Variants in MAT1A observed in about 807,000 individuals in gnomAD.
MAT1A encodes the protein S-adenosylmethionine synthase isoform type-1.
Under a neutral mutation model 44.0 loss-of-function variants are expected in MAT1A, and 19 were observed. That is an observed-to-expected ratio of 0.43 (90% confidence interval 0.30 to 0.63). MAT1A has a LOEUF of 0.63. MAT1A is among the 30% of genes least tolerant of loss of function. The probability of loss-of-function intolerance (pLI) is 0.12; values close to 1 mark genes in which losing one functional copy is unlikely to be tolerated. For synonymous variants in MAT1A, 205 were observed against 205.6 expected (o/e 1.00, Z 0.03); for missense variants, 397 against 531.0 (o/e 0.75, Z 2.48).
Position 80,289,495 on chromosome 10 carries a change from T to TTTCTTCTTCTTC in MAT1A, c.-84_-73dup, listed in dbSNP as rs10694757. The TTTCTTCTTCTTC allele has an allele frequency of 3.2e-5, 28 of 864,082 alleles. No individual in the cohort carries two copies. Among genetic ancestry groups the TTTCTTCTTCTTC allele is most frequent in the African/African-American group, 1.7e-4 (10 of 58,542 alleles). The allele number at this position is 864,082 out of a possible 1,614,324, so 53.5% of individuals were successfully genotyped here. ...GGCTGTGACTTTGCCTGAGTTTTTT[T>TTTCTTCTTCTTC]TTCTTCTTCTTCTTCTTCTTTCAAC... On this transcript the variant is annotated 5_prime_UTR_variant, in exon 1 of 9. Transcript: ENST00000372213.
rs955691868 is a variant in MAT1A, at chr10:80,273,362, G to A, written c.*419C>T. ...CTCAGGGCACTGGCTGCCTGTGAAA[G>A]GGGGGTCCAGGAGCCCAGGCCCACA... On this transcript the variant is annotated 3_prime_UTR_variant, in exon 9 of 9. Coordinates refer to ENST00000372213, the MANE Select transcript of MAT1A (RefSeq NM_000429.3). 7.5e-6 allele frequency: 2 copies of A among 265,572 alleles called. No homozygotes were observed. The highest frequency in any genetic ancestry group is 4.4e-5 in the African/African-American group (2 of 44,966). 16.5% of individuals were successfully genotyped at this position (265,572 alleles called of 1,614,324 possible).
intron 3 of MAT1A, among the ~76,000 whole-genome samples, chr10:80,282,003 T>G (rs1841573538): frequency 6.6e-6 from 1 of 152,108 alleles, no homozygotes; most frequent in Non-Finnish European, 1.5e-5. Flanking sequence ...CCAGGGCACC[T>G]CATGTTGCAT....
At chr10:80,280,570 C>A (rs960106841) in intron 4 of MAT1A, 110 bp downstream of exon 4, 2 of 1,112,644 alleles carry the variant, frequency 1.8e-6, no homozygotes, top group African/African-American at 3.1e-5. Flanking sequence ...CCAACTCGCT[C>A]CTGGCTATCG....
intron 6 of MAT1A, among the ~76,000 whole-genome samples, chr10:80,275,877 G>A (rs1472847216): frequency 6.6e-6 from 1 of 152,190 alleles, no homozygotes; most frequent in East Asian, 1.9e-4. Context: ...TCACAGCAGT[G>A]CCCTCAACCT....
intron 5 of MAT1A, among the ~76,000 whole-genome samples, chr10:80,279,066 A>G (rs1441532219): frequency 1.3e-5 from 2 of 152,254 alleles, no homozygotes; most frequent in African/African-American, 4.8e-5. Context: ...GAATGCCAGA[A>G]TAATAAGTGG....
chr10:80,276,562 T>C lies in MAT1A; in HGVS notation c.582A>G (p.Ala194=). 1.2e-6 allele frequency: 2 copies of C among 1,613,242 alleles called. No homozygotes were observed. The highest frequency in any genetic ancestry group is 1.1e-5 in the South Asian group (1 of 91,080). The change falls in exon 6 of 9, where the codon GCA becomes GCG. Residue 194 remains alanine, a synonymous_variant. Transcript: ENST00000372213. The part of the protein sequence containing the change: ...VTVQYMQDNG[A]VIPVRIHTIV... Reference sequence around the variant, plus strand: ...TGGTGTGGATGCGCACAGGGATGACTGCGCCATTGTCCTGCATGTACTGAA... The same window carrying C: ...TGGTGTGGATGCGCACAGGGATGACCGCGCCATTGTCCTGCATGTACTGAA...
At position 80,273,561 on chromosome 10, in the gene MAT1A, A is replaced by G; in HGVS notation, c.*220T>C. 1.7e-6 allele frequency: 1 copy of G among 573,462 alleles called. No homozygotes were observed. The highest frequency in any genetic ancestry group is 3.1e-6 in the Non-Finnish European group (1 of 319,394). 35.5% of individuals were successfully genotyped at this position (573,462 alleles called of 1,614,324 possible). ...CCCCAGTCTGAGGGAGCAGCAGGAGAACACCATGCCCATCCTTACATCAAG... is the reference window on the plus strand; with the variant it reads ...CCCCAGTCTGAGGGAGCAGCAGGAGGACACCATGCCCATCCTTACATCAAG... On this transcript the variant is annotated 3_prime_UTR_variant, in exon 9 of 9. Transcript: ENST00000372213.
At chr10:80,282,155 AC>A (rs1391066360) in intron 3 of MAT1A, among the ~76,000 whole-genome samples, 1 of 152,228 alleles carries the variant, frequency 6.6e-6, no homozygotes, top group Non-Finnish European at 1.5e-5. Context: ...ATTTCAGTTT[AC>A]CTAATCACTG....
chr10:80,281,524 C>T (rs1231392441), intron 3 of MAT1A, among the ~76,000 whole-genome samples: 1 of 152,118 alleles, frequency 6.6e-6, no homozygotes, highest in East Asian at 1.9e-4. Context: ...AGACCGTGCG[C>T]ACCTCCTCAC....
chr10:80,287,804 A>G (rs1425837057), intron 1 of MAT1A, among the ~76,000 whole-genome samples: 2 of 152,258 alleles, frequency 1.3e-5, no homozygotes, highest in South Asian at 2.1e-4. Context: ...GGCTATTTAC[A>G]TTGAACTGAG....
intron 1 of MAT1A, among the ~76,000 whole-genome samples, chr10:80,286,043 G>A (rs2132710020): frequency 6.6e-6 from 1 of 152,154 alleles, no homozygotes; most frequent in African/African-American, 2.4e-5. Context: ...TGGCCAGGCT[G>A]GTCTTGAACT....
chr10:80,276,503 G>C lies in MAT1A; in HGVS notation c.641C>G (p.Thr214Arg), dbSNP rs754347805. The C allele has an allele frequency of 6.2e-7, 1 of 1,614,158 alleles. No individual in the cohort carries two copies. Among genetic ancestry groups the C allele is most frequent in the South Asian group, 1.1e-5 (1 of 91,086 alleles). ...VISVQHNEDI[T>R]LEEMRRALKE... ...CAGGGCCCTGCGCATCTCCTCCAGC[G>C]TGATGTCTTCGTTGTGCTGCACAGA... The change falls in exon 6 of 9, where the codon ACG becomes AGG. Residue 214 changes from threonine (T) to arginine (R), a missense_variant. By Grantham distance (71) the Thr-to-Arg change is moderately conservative (BLOSUM62 -1). Coordinates refer to ENST00000372213, the MANE Select transcript of MAT1A (RefSeq NM_000429.3).
In MAT1A at chr10:80,289,416, C is replaced by T. The variant is rs1288426746; in HGVS notation, c.8G>A (p.Gly3Glu). MN[G>E]PVDGLCDHSL... ...GTGGTCACACAAGCCATCCACCGGT[C>T]CATTCATCTTCTCACACTTCTCCAC... Residue 3 changes from glycine (G) to glutamate (E), a missense_variant, in exon 1 of 9, where the codon GGA (glycine) becomes GAA (glutamate). By Grantham distance (98) the Gly-to-Glu change is moderately conservative. Transcript: ENST00000372213. 6.2e-7 allele frequency: 1 copy of T among 1,613,540 alleles called. No homozygotes were observed. The highest frequency in any genetic ancestry group is 1.3e-5 in the African/African-American group (1 of 75,042).
Position 80,280,292 on chromosome 10 carries a change from C to G in MAT1A, c.430G>C (p.Asp144His). 6.2e-7 allele frequency: 1 copy of G among 1,614,074 alleles called. No individual in the cohort carries two copies. The highest frequency in any genetic ancestry group is 8.5e-7 in the Non-Finnish European group (1 of 1,180,010). ...DQGLMFGYAT[D>H]ETEECMPLTI... ...AGGGGCATGCACTCCTCTGTCTCGT[C>G]GGTAGCATAGCCGAACATCAAACCC... The change falls in exon 5 of 9, where the codon GAC becomes CAC. Residue 144 changes from aspartate to histidine, a missense_variant. Transcript: ENST00000372213.
chr10:80,276,735 G>T, intron 5 of MAT1A, 141 bp from the exon 6 acceptor site: 1 of 805,614 alleles, frequency 1.2e-6, no homozygotes. Flanking sequence ...GGTGTTGGGG[G>T]AGTTAATCTG....
intron 5 of MAT1A, among the ~76,000 whole-genome samples, chr10:80,279,940 C>T (rs181338392): frequency 1.6e-4 from 24 of 152,128 alleles, no homozygotes; most frequent in East Asian, 3.9e-4. Context: ...ACAAAAAAAA[C>T]GGAACTATTC....
chr10:80,286,548 T>C (rs1228332488), intron 1 of MAT1A, among the ~76,000 whole-genome samples: 3 of 152,176 alleles, frequency 2.0e-5, no homozygotes, highest in African/African-American at 7.2e-5. Flanking sequence ...TCAATTACTG[T>C]AGGACTGACA....
At chr10:80,287,602 A>G (rs1233007162) in intron 1 of MAT1A, among the ~76,000 whole-genome samples, 1 of 152,210 alleles carries the variant, frequency 6.6e-6, no homozygotes, top group East Asian at 1.9e-4. Flanking sequence ...CGCACAATGG[A>G]CCATTCTTGG....
chr10:80,273,906 G>A lies in MAT1A; in HGVS notation c.1086-23C>T, dbSNP rs745766498. On this transcript the variant is annotated intron_variant, in intron 8 of 8. Coordinates refer to ENST00000372213, the MANE Select transcript of MAT1A (RefSeq NM_000429.3). The stretch of plus-strand genomic sequence containing the variant: ...TCCCTGCATGTCCAGCAGAAAGGAA[G>A]GGCATTGGAAGATGGAACAGGAGCA... 31 of 1,519,152 alleles carry A rather than the reference G, an allele frequency of 2.0e-5. 1 individual carries two copies. The highest frequency in any genetic ancestry group is 2.7e-5 in the Non-Finnish European group (30 of 1,094,530). The allele number at this position is 1,519,152 out of a possible 1,614,324, so 94.1% of individuals were successfully genotyped here.
Sources: allele counts gnomAD v4.1 joint callset (sites outside exome capture counted in the v4.1 genomes callset), GRCh38; gene constraint gnomAD v4.1.1; transcripts MANE v1.5; gene names NCBI Gene and HGNC (gene_info 2026-07-23, HGNC 2026-07-21).